The following PPP2CA variants were observed in gnomAD, a reference collection of about 807,000 sequenced individuals.
The protein encoded by PPP2CA is serine/threonine-protein phosphatase 2A catalytic subunit alpha isoform.
In PPP2CA, 5 loss-of-function variants were observed where a neutral mutation model predicts 38.8. The observed-to-expected ratio is 0.13, with a 90% confidence interval of 0.07 to 0.27. The LOEUF is 0.27. Ranked by LOEUF, PPP2CA falls within the 10% of genes least tolerant of loss-of-function variation. The pLI is 1.00. For missense variants in PPP2CA, 88 were observed against 389.7 expected (o/e 0.23, Z 6.52); for synonymous variants, 152 against 134.0 (o/e 1.13, Z -0.93).
At chr5:134,221,219 C>A (rs1377907035) in intron 1 of PPP2CA, among the ~76,000 whole-genome samples, 4 of 152,190 alleles carry the variant, frequency 2.6e-5, no homozygotes, top group Non-Finnish European at 5.9e-5. Context: ...TCAAGCAATT[C>A]TCCTGTCTCA....
chr5:134,198,450 G>T (rs1761902305), intron 6 of PPP2CA, among the ~76,000 whole-genome samples: 1 of 151,864 alleles, frequency 6.6e-6, no homozygotes, highest in Non-Finnish European at 1.5e-5. Context: ...GAAAAACCTA[G>T]TAATTCATAC....
intron 1 of PPP2CA, among the ~76,000 whole-genome samples, chr5:134,214,087 C>T (rs544852880): frequency 2.9e-4 from 44 of 152,216 alleles, no homozygotes; most frequent in African/African-American, 1.1e-3. Flanking sequence ...TGAGATCGTG[C>T]CACTGCACTC....
At chr5:134,216,078 A>G (rs542364713) in intron 1 of PPP2CA, among the ~76,000 whole-genome samples, 3 of 152,218 alleles carry the variant, frequency 2.0e-5, no homozygotes, top group Non-Finnish European at 4.4e-5. Context: ...CTTAGTCTCA[A>G]AAACAGTTAA....
At chr5:134,218,137 A>G (rs1762360186) in intron 1 of PPP2CA, among the ~76,000 whole-genome samples, 1 of 151,844 alleles carries the variant, frequency 6.6e-6, no homozygotes, top group South Asian at 2.1e-4. Flanking sequence ...CATTAACTAC[A>G]CTGAACAGAT....
intron 2 of PPP2CA, among the ~76,000 whole-genome samples, chr5:134,205,393 T>C (rs1762060306): frequency 6.6e-6 from 1 of 151,962 alleles, no homozygotes; most frequent in African/African-American, 2.4e-5. Context: ...TTTTCCTTTT[T>C]TTTTTTTTGA....
intron 1 of PPP2CA, among the ~76,000 whole-genome samples, chr5:134,222,542 A>G (rs910097810): frequency 7.4e-5 from 9 of 122,300 alleles, no homozygotes; most frequent in African/African-American, 2.5e-4. Context: ...AACTTCTTTG[A>G]AAAAAAAAAA....
intron 1 of PPP2CA, among the ~76,000 whole-genome samples, chr5:134,221,109 G>C (rs944181335): frequency 5.3e-5 from 8 of 152,134 alleles, no homozygotes; most frequent in Non-Finnish European, 1.2e-4. Flanking sequence ...AGGATGAAAA[G>C]AGGCTTTTTT....
intron 1 of PPP2CA, among the ~76,000 whole-genome samples, chr5:134,217,328 T>C (rs1229178653): frequency 1.3e-5 from 2 of 152,180 alleles, no homozygotes; most frequent in African/African-American, 2.4e-5. Flanking sequence ...CTAATGTTCA[T>C]TGTAACTCTA....
chr5:134,200,184 C>T, intron 5 of PPP2CA, 151 bp downstream of exon 5: 2 of 718,970 alleles, frequency 2.8e-6, no homozygotes, highest in Non-Finnish European at 4.2e-6. Context: ...TAGTAGTGTG[C>T]ATCTACTGAA....
At chr5:134,200,236 T>TG in intron 5 of PPP2CA, 99 bp downstream of exon 5, 1 of 1,321,282 alleles carries the variant, frequency 7.6e-7, no homozygotes, top group Non-Finnish European at 1.0e-6. Context: ...AAGGAATAGA[T>TG]GGAATTTCTC....
At chr5:134,211,141 T>C (rs1762196103) in intron 1 of PPP2CA, among the ~76,000 whole-genome samples, 1 of 151,996 alleles carries the variant, frequency 6.6e-6, no homozygotes, top group Admixed American at 6.6e-5. Context: ...TTGTCCAGGC[T>C]GCAGTGCGGC....
At chr5:134,222,642 T>C (rs1458849606) in intron 1 of PPP2CA, among the ~76,000 whole-genome samples, 1 of 152,116 alleles carries the variant, frequency 6.6e-6, no homozygotes, top group Admixed American at 6.5e-5. Context: ...AGTCACATAA[T>C]AAAAGATTGT....
chr5:134,211,635 A>G (rs1314644265), intron 1 of PPP2CA, among the ~76,000 whole-genome samples: 1 of 83,896 alleles, frequency 1.2e-5, no homozygotes, highest in Admixed American at 1.3e-4. Flanking sequence ...AACCACTCCC[A>G]GCTAATTTTT....
intron 2 of PPP2CA, 121 bp downstream of exon 2, chr5:134,205,801 G>T: frequency 1.2e-6 from 1 of 809,420 alleles, no homozygotes; most frequent in Non-Finnish European, 2.0e-6. Flanking sequence ...CTGAACATAT[G>T]CATTCCTAAA....
intron 6 of PPP2CA, 30 bp from the exon 7 acceptor site, chr5:134,197,874 G>T: frequency 1.3e-6 from 2 of 1,587,040 alleles, no homozygotes. Flanking sequence ...CATGGTTTAT[G>T]TTCCACGACC....
At chr5:134,198,994 G>T in intron 6 of PPP2CA, 92 bp downstream of exon 6, 1 of 998,036 alleles carries the variant, frequency 1.0e-6, no homozygotes, top group Non-Finnish European at 1.6e-6. Context: ...GACAAGACTG[G>T]GCAATATAGT....
chr5:134,225,628 G>A (rs1435455378), intron 1 of PPP2CA, 132 bp downstream of exon 1: 3 of 695,132 alleles, frequency 4.3e-6, no homozygotes, highest in East Asian at 6.7e-5. Flanking sequence ...CGCCGGCCAG[G>A]ATGGGCGCCG....
At chr5:134,207,806 C>T (rs750731350) in intron 1 of PPP2CA, among the ~76,000 whole-genome samples, 38 of 152,206 alleles carry the variant, frequency 2.5e-4, no homozygotes, top group Non-Finnish European at 4.0e-4. Flanking sequence ...ACCTCTGCCT[C>T]CCAAAGTGCT....
At chr5:134,224,448 G>A (rs1482698208) in intron 1 of PPP2CA, 64 of 368,444 alleles carry the variant, frequency 1.7e-4, no homozygotes, top group Non-Finnish European at 3.2e-4. Context: ...GCCTGTCTTG[G>A]AAACATATAC....
Sources: allele counts gnomAD v4.1 joint callset (sites outside exome capture counted in the v4.1 genomes callset), GRCh38; gene constraint gnomAD v4.1.1; transcripts MANE v1.5; gene names NCBI Gene and HGNC (gene_info 2026-07-23, HGNC 2026-07-21).